DVL1: variants seen among roughly 807,000 people sequenced by gnomAD.
DVL1 encodes segment polarity protein dishevelled homolog DVL-1.
DVL1 carries 49 observed loss-of-function variants against 65.0 expected under a neutral mutation model. The observed-to-expected ratio is 0.75, with a 90% CI of 0.60 to 0.96. DVL1 has a LOEUF of 0.96. Among genes scored for constraint, DVL1 ranks in the 40% least tolerant of loss-of-function variants. DVL1 has a pLI of 0.00. For missense variants in DVL1, 1,197 were observed against 1,045.4 expected (o/e 1.15, Z -2.00); for synonymous variants, 608 against 433.9 (o/e 1.40, Z -4.99).
chr1:1,338,632 G>T lies in DVL1; in HGVS notation c.1229C>A (p.Thr410Lys). The T allele has an allele frequency of 1.2e-6, 2 of 1,610,948 alleles. No homozygotes were observed. Among genetic ancestry groups the T allele is most frequent in the Non-Finnish European group, 8.5e-7 (1 of 1,179,776 alleles). ...GACGGCGCTCATGTCACTCTTCACC[G>T]TCAGCGGCGCCTCTTCCAGCTCTGC... is the stretch of plus-strand genomic sequence containing the variant. ...GAPQLEEAPL[T>K]VKSDMSAVVR... The change falls in exon 12 of 15, where the codon ACG (threonine) becomes AAG (lysine). Residue 410 changes from threonine (T) to lysine (K), a missense_variant. Coordinates refer to ENST00000378888, the MANE Select transcript of DVL1 (RefSeq NM_001330311.2).
rs773845796 is a variant in DVL1, at chr1:1,341,720, G to A, written c.552C>T (p.Ser184=). The A allele has an allele frequency of 1.6e-5, 25 of 1,611,244 alleles. No homozygotes were observed. The highest frequency in any genetic ancestry group is 1.6e-4 in the Middle Eastern group (1 of 6,076). The change falls in exon 5 of 15, where the codon AGC becomes AGT. Residue 184 remains serine (S), a synonymous_variant. Coordinates refer to ENST00000378888, the MANE Select transcript of DVL1 (RefSeq NM_001330311.2). The stretch of plus-strand genomic sequence containing the variant: ...CCACAAAGCTGCTGGACTCAAGCTC[G>A]CTGCTGAGGGCGGTGGACGCGCTGT... The part of the protein sequence containing the change: ...PPDSASTALS[S]ELESSSFVDS...
In DVL1 at chr1:1,338,506, G is replaced by A. The variant is rs747583654; in HGVS notation, c.1339+16C>T. 5 of 1,611,748 alleles carry A rather than the reference G, an allele frequency of 3.1e-6. No individual in the cohort carries two copies. Among genetic ancestry groups the A allele is most frequent in the Non-Finnish European group, 4.2e-6 (5 of 1,179,390 alleles). On this transcript the variant is annotated intron_variant, in intron 12 of 14. Coordinates refer to ENST00000378888, the MANE Select transcript of DVL1 (RefSeq NM_001330311.2). ...CCTGCCCCTGGCACTATCCGCCCGC[G>A]GGGACGGCCACTCACCGATGACGGC...
Position 1,348,948 on chromosome 1 carries a change from G to T in DVL1, c.118C>A (p.Arg40=). The T allele has an allele frequency of 6.4e-7, 1 of 1,574,644 alleles. No individual in the cohort carries two copies. The highest frequency in any genetic ancestry group is 8.6e-7 in the Non-Finnish European group (1 of 1,157,070). Residue 40 remains arginine (R), a synonymous_variant, in exon 1 of 15, where the codon CGG becomes AGG. Transcript: ENST00000378888. ...LADFKNVLSN[R]PVHAYKFFFK... ...AAGAATTTGTAGGCGTGCACGGGCC[G>T]GTTGCTGAGCACGTTCTTGAAGTCG...
In DVL1 at chr1:1,342,392, G is replaced by A. The variant is rs1439921646; in HGVS notation, c.333C>T (p.Gly111=). 6.3e-7 allele frequency: 1 copy of A among 1,590,744 alleles called. No homozygotes were observed. The highest frequency in any genetic ancestry group is 8.5e-7 in the Non-Finnish European group (1 of 1,170,176). ...AGGAGGGGGGCCGGGAGTCCCCGATGCCGCCTGTCCGCTCAAGAGGCGGGG... is the reference window on the plus strand; with the variant it reads ...AGGAGGGGGGCCGGGAGTCCCCGATACCGCCTGTCCGCTCAAGAGGCGGGG... ...DLPPPLERTG[G]IGDSRPPSFH... is the part of the protein sequence containing the mutation. The change falls in exon 3 of 15, where the codon GGC becomes GGT. Residue 111 remains glycine (G), a synonymous_variant. Transcript: ENST00000378888.
intron 1 of DVL1, 54 bp downstream of exon 1, chr1:1,348,842 A>C: frequency 7.1e-7 from 1 of 1,416,278 alleles, no homozygotes; most frequent in Non-Finnish European, 9.3e-7. Context: ...CCGCGCGGGC[A>C]GGTGCGACCC....
At chr1:1,337,615 C>T in intron 14 of DVL1, 1 of 432,860 alleles carries the variant, frequency 2.3e-6, no homozygotes, top group South Asian at 2.0e-5. Flanking sequence ...AGCCGCCACC[C>T]CTACCAGGCA....
At position 1,342,095 on chromosome 1, in the gene DVL1, T is replaced by C. The variant is rs775632645; in HGVS notation, c.424A>G (p.Ser142Gly). Residue 142 changes from serine to glycine, a missense_variant, in exon 4 of 15, where the codon AGT becomes GGT. Coordinates refer to ENST00000378888, the MANE Select transcript of DVL1 (RefSeq NM_001330311.2). ...DNETGTESMV[S>G]HRRERARRRN... ...CGTCGGGCACGCTCCCGCCGGTGACTGACCATGGACTCCGTGCCTGTCTCG... is the reference window on the plus strand; with the variant it reads ...CGTCGGGCACGCTCCCGCCGGTGACCGACCATGGACTCCGTGCCTGTCTCG... The C allele has an allele frequency of 3.1e-6, 5 of 1,595,658 alleles. No individual in the cohort carries two copies. The South Asian group carries it at 5.7e-5, about 18-fold the overall frequency.
At chr1:1,339,233 G>A (rs1271790996) in intron 11 of DVL1, 54 bp downstream of exon 11, 5 of 1,545,758 alleles carry the variant, frequency 3.2e-6, no homozygotes, top group East Asian at 2.4e-5. Flanking sequence ...GGCTGGCAGA[G>A]ACGCCCCCTC....
At chr1:1,340,866 C>A (rs535480441) in intron 5 of DVL1, among the ~76,000 whole-genome samples, 1 of 148,264 alleles carries the variant, frequency 6.7e-6, no homozygotes, top group African/African-American at 2.5e-5. Context: ...TGCACCCCTG[C>A]GCACAGGCAC....
chr1:1,339,539 GC>G, intron 10 of DVL1, 42 bp downstream of exon 10: 7 of 1,569,180 alleles, frequency 4.5e-6, no homozygotes, highest in Non-Finnish European at 6.0e-6. Flanking sequence ...CTAGGTAGGC[GC>G]CCCCTCCCCA....
At chr1:1,337,189 G>C in intron 14 of DVL1, 3 of 678,706 alleles carry the variant, frequency 4.4e-6, no homozygotes, top group Non-Finnish European at 5.5e-6. Flanking sequence ...CGCCGGTCGA[G>C]GGTCAGTAGA....
chr1:1,342,980 C>T (rs773718552), intron 1 of DVL1, among the ~76,000 whole-genome samples: 12 of 151,878 alleles, frequency 7.9e-5, no homozygotes, highest in East Asian at 1.9e-4. Flanking sequence ...CCCCTGCTAA[C>T]GCACTCTCCT....
rs768931734 is a variant in DVL1 at position 1,338,632 on chromosome 1, G to A, written c.1229C>T (p.Thr410Met). The A allele has an allele frequency of 1.4e-5, 23 of 1,610,830 alleles. No homozygotes were observed. The highest frequency in any genetic ancestry group is 5.0e-5 in the Admixed American group (3 of 59,978). Reference protein sequence around the residue: ...GAPQLEEAPLTVKSDMSAVVR... With the variant: ...GAPQLEEAPLMVKSDMSAVVR... ...GACGGCGCTCATGTCACTCTTCACC[G>A]TCAGCGGCGCCTCTTCCAGCTCTGC... Residue 410 changes from threonine to methionine, a missense_variant, in exon 12 of 15, where the codon ACG (threonine) becomes ATG (methionine). Coordinates refer to ENST00000378888, the MANE Select transcript of DVL1 (RefSeq NM_001330311.2).
chr1:1,339,311 T>C lies in DVL1; in HGVS notation c.1183A>G (p.Thr395Ala). The change falls in exon 11 of 15, where the codon ACC (threonine) becomes GCC (alanine). Residue 395 changes from threonine to alanine, a missense_variant. Transcript: ENST00000378888. ...CGTGGAGCACCAGGCACGGAGCTGG[T>C]TAGTGAGGAGGAGCTGGTGCGCGTG... ...AVTRTSSSSL[T>A]SSVPGAPQLE... is the part of the protein sequence containing the mutation. The C allele has an allele frequency of 6.5e-7, 1 of 1,548,408 alleles. No individual in the cohort carries two copies. Among genetic ancestry groups the C allele is most frequent in the Non-Finnish European group, 8.7e-7 (1 of 1,146,870 alleles).
intron 14 of DVL1, 162 bp downstream of exon 14, chr1:1,337,815 G>A: frequency 1.4e-6 from 1 of 722,892 alleles, no homozygotes; most frequent in Admixed American, 2.0e-5. Flanking sequence ...AGGAGCATGG[G>A]ATTGGGGTCA....
chr1:1,339,433 G>A lies in DVL1; in HGVS notation c.1061C>T (p.Pro354Leu), dbSNP rs1047862834. The A allele has an allele frequency of 1.7e-5, 26 of 1,547,598 alleles. No homozygotes were observed. Among genetic ancestry groups the A allele is most frequent in the Admixed American group, 5.9e-5 (3 of 50,866 alleles). The change falls in exon 11 of 15, where the codon CCG (proline) becomes CTG (leucine). Residue 354 changes from proline to leucine, a missense_variant. Physicochemically the swap from Pro to Leu is moderately conservative, Grantham distance 98. Transcript: ENST00000378888. ...GGCGGCGGGGTCGATGGGCCGCACC[G>A]GGTCAGCTGGGTGGCCGCCACGTGG... Reference protein sequence around the residue: ...RSYFTVPRADPVRPIDPAAWL... With the variant: ...RSYFTVPRADLVRPIDPAAWL...
At chr1:1,339,483 G>C in intron 10 of DVL1, 44 bp from the exon 11 acceptor site, 1 of 1,544,358 alleles carries the variant, frequency 6.5e-7, no homozygotes, top group South Asian at 1.2e-5. Context: ...CAGATGGACA[G>C]GGTGGGAGGG....
rs200363718 is a variant in DVL1 at position 1,339,702 on chromosome 1, T to C, written c.986+34A>G. ...GCCCCCATGGTCCCACCTCCCTGCC[T>C]GGCCCCTCCCGCTCCAGCGCCCCCA... is the stretch of plus-strand genomic sequence containing the variant. On this transcript the variant is annotated intron_variant, in intron 9 of 14. Coordinates refer to ENST00000378888, the MANE Select transcript of DVL1 (RefSeq NM_001330311.2). The C allele has an allele frequency of 7.5e-4, 1,212 of 1,612,706 alleles. 3 individuals carry two copies. Among genetic ancestry groups the C allele is most frequent in the Admixed American group, 2.8e-3 (166 of 59,982 alleles).
rs1189586538 is a variant in DVL1, at chr1:1,349,115, C to G, written c.-50G>C. The stretch of plus-strand genomic sequence containing the variant: ...CGCGCTCAGGGCCCGGCCCGGGGCT[C>G]GGACGCGGGGCGCTACCCGCCCGCC... On this transcript the variant is annotated 5_prime_UTR_variant, in exon 1 of 15. Transcript: ENST00000378888. The surrounding 1 kb of genome is among the most constrained non-coding windows in gnomAD (Gnocchi z 4.1). The G allele has an allele frequency of 5.5e-6, 6 of 1,093,734 alleles. No individual in the cohort carries two copies. The highest frequency in any genetic ancestry group is 6.7e-6 in the Non-Finnish European group (6 of 890,582). 67.8% of individuals were successfully genotyped at this position (1,093,734 alleles called of 1,614,324 possible). A position where few individuals can be genotyped will look rare whatever the true frequency, so the allele number is the denominator to read the frequency against.
Sources: gnomAD v4.1 joint callset for allele counts (sites outside exome capture counted in the v4.1 genomes callset) on GRCh38, gnomAD v4.1.1 for gene constraint, Gnocchi (gnomAD v3.1) non-coding constraint, MANE v1.5 for transcripts, NCBI Gene and HGNC (gene_info 2026-07-23, HGNC 2026-07-21) for gene names.